The following MARCHF10 variants were observed in gnomAD, a reference collection of about 807,000 sequenced individuals.
MARCHF10 encodes probable E3 ubiquitin-protein ligase MARCHF10.
In MARCHF10, 64 loss-of-function variants were observed where a neutral mutation model predicts 76.2. That is an observed-to-expected ratio of 0.84 (90% CI 0.69 to 1.03). The LOEUF (loss-of-function observed/expected upper bound fraction) is 1.03, where lower values mean the gene tolerates loss of function less well. Among genes scored for constraint, MARCHF10 ranks in the 50% least tolerant of loss-of-function variants. MARCHF10 has a pLI of 0.00. For synonymous variants in MARCHF10, 340 were observed against 357.5 expected, an observed-to-expected ratio of 0.95 and a Z score of 0.55; for missense variants, 875 against 958.0, an observed-to-expected ratio of 0.91 and a Z score of 1.14.
chr17:62,801,711 G>C lies in MARCHF10; in HGVS notation c.25C>G (p.Gln9Glu). 1.2e-6 allele frequency: 2 copies of C among 1,614,106 alleles called. No homozygotes were observed. Among genetic ancestry groups the C allele is most frequent in the Non-Finnish European group, 1.7e-6 (2 of 1,180,008 alleles). The change falls in exon 2 of 11, where the codon CAG becomes GAG. Residue 9 changes from glutamine to glutamate, a missense_variant. Transcript: ENST00000311269. ...TACTGAACATCGCTGAAGAACTTCT[G>C]CCTGTCCCTTGCGTCATGCAACATG... Reference protein sequence around the residue: MLHDARDRQKFFSDVQYLR... With the variant: MLHDARDREKFFSDVQYLR...
intron 3 of MARCHF10, among the ~76,000 whole-genome samples, chr17:62,781,894 A>G (rs1417188721): frequency 6.6e-6 from 1 of 152,214 alleles, no homozygotes; most frequent in Non-Finnish European, 1.5e-5. Flanking sequence ...AAAAATTTCC[A>G]TGGATTAAGC....
At chr17:62,746,426 G>T (rs1460136353) in intron 4 of MARCHF10, among the ~76,000 whole-genome samples, 1 of 150,978 alleles carries the variant, frequency 6.6e-6, no homozygotes, top group Non-Finnish European at 1.5e-5. Flanking sequence ...GATCAAAAAG[G>T]GGGTGAGAGG....
chr17:62,762,660 C>A (rs2092236756), intron 3 of MARCHF10, among the ~76,000 whole-genome samples: 1 of 152,172 alleles, frequency 6.6e-6, no homozygotes, highest in Non-Finnish European at 1.5e-5. Flanking sequence ...AATTCTCCGG[C>A]CTCAGCCTCC....
In MARCHF10 at chr17:62,744,367, G is replaced by T. The variant is rs2091626154; in HGVS notation, c.535+9C>A. 6.2e-7 allele frequency: 1 copy of T among 1,611,590 alleles called. No homozygotes were observed. The highest frequency in any genetic ancestry group is 8.5e-7 in the Non-Finnish European group (1 of 1,179,366). On this transcript the variant is annotated intron_variant, in intron 5 of 10. Coordinates refer to ENST00000311269, the MANE Select transcript of MARCHF10 (RefSeq NM_152598.4). ...CAAGGACAAAGGTTCGGGAGCCCCGGGTCCTTACCTGCTCCCCTGGGAACC... is the reference window on the plus strand; with the variant it reads ...CAAGGACAAAGGTTCGGGAGCCCCGTGTCCTTACCTGCTCCCCTGGGAACC...
At chr17:62,776,191 G>A (rs115765478) in intron 3 of MARCHF10, among the ~76,000 whole-genome samples, 2,460 of 152,150 alleles carry the variant, frequency 0.016, 62 homozygotes, top group African/African-American at 0.054. Context: ...AACACATAGC[G>A]CTACTTACAA....
chr17:62,771,996 G>A (rs1426140853), intron 3 of MARCHF10, among the ~76,000 whole-genome samples: 1 of 152,194 alleles, frequency 6.6e-6, no homozygotes, highest in Non-Finnish European at 1.5e-5. Flanking sequence ...CAGACAAGAT[G>A]ATCCAGATGG....
chr17:62,793,006 C>T (rs1598053638), intron 2 of MARCHF10, among the ~76,000 whole-genome samples: 1 of 145,044 alleles, frequency 6.9e-6, no homozygotes, highest in African/African-American at 2.5e-5. Context: ...ACCTCCATCA[C>T]CACCACCACA....
chr17:62,789,426 T>C (rs1383109147), intron 2 of MARCHF10, among the ~76,000 whole-genome samples: 2 of 152,222 alleles, frequency 1.3e-5, no homozygotes, highest in African/African-American at 4.8e-5. Flanking sequence ...TGGCCTTGCC[T>C]CTCTTTAGTT....
chr17:62,735,782 CAG>C, intron 6 of MARCHF10, 147 bp downstream of exon 6: 1 of 661,938 alleles, frequency 1.5e-6, no homozygotes, highest in Non-Finnish European at 2.5e-6. Flanking sequence ...AGCAACAAAA[CAG>C]AGACAATTTT....
At chr17:62,741,815 C>T (rs1352400055) in intron 5 of MARCHF10, among the ~76,000 whole-genome samples, 1 of 152,012 alleles carries the variant, frequency 6.6e-6, no homozygotes, top group Admixed American at 6.6e-5. Flanking sequence ...CTGCCTCAGC[C>T]TCCCGAGTAG....
At chr17:62,705,684 C>G in intron 9 of MARCHF10, 103 bp from the exon 10 acceptor site, 1 of 1,418,678 alleles carries the variant, frequency 7.0e-7, no homozygotes, top group Non-Finnish European at 9.7e-7. Context: ...ATCCCTTACA[C>G]CACTTTAAAG....
intron 3 of MARCHF10, among the ~76,000 whole-genome samples, chr17:62,762,809 G>A (rs2092241540): frequency 6.6e-6 from 1 of 152,218 alleles, no homozygotes; most frequent in African/African-American, 2.4e-5. Flanking sequence ...GCCTCCTAAA[G>A]TGCTGGGATT....
intron 4 of MARCHF10, among the ~76,000 whole-genome samples, chr17:62,758,043 A>C (rs2092096184): frequency 6.6e-6 from 1 of 152,196 alleles, no homozygotes; most frequent in Non-Finnish European, 1.5e-5. Context: ...CACTATACAA[A>C]CAACCACCTG....
intron 3 of MARCHF10, among the ~76,000 whole-genome samples, chr17:62,765,840 G>A (rs934994617): frequency 2.1e-4 from 32 of 152,094 alleles, no homozygotes; most frequent in Admixed American, 2.6e-4. Context: ...GCTGTAGCAG[G>A]AGCAGGGTTC....
At chr17:62,733,911 C>T (rs753722467) in intron 6 of MARCHF10, among the ~76,000 whole-genome samples, 3 of 152,130 alleles carry the variant, frequency 2.0e-5, no homozygotes, top group Non-Finnish European at 2.9e-5. Context: ...CTGGCTGGGT[C>T]GGTGGCTCAT....
chr17:62,782,342 G>GCTC (rs1555713515), intron 3 of MARCHF10, among the ~76,000 whole-genome samples: 4 of 111,656 alleles, frequency 3.6e-5, no homozygotes, highest in African/African-American at 1.7e-4. Context: ...GCAAACAACT[G>GCTC]TTCTTTTTTT....
At position 62,736,098 on chromosome 17, in the gene MARCHF10, A is replaced by G. The variant is rs2091249291; in HGVS notation, c.1770T>C (p.His590=). 6.2e-7 allele frequency: 1 copy of G among 1,614,204 alleles called. No individual in the cohort carries two copies. Among genetic ancestry groups the G allele is most frequent in the Non-Finnish European group, 8.5e-7 (1 of 1,180,030 alleles). Residue 590 remains histidine (H), a synonymous_variant, in exon 6 of 11, where the codon CAT becomes CAC. Transcript: ENST00000311269. ...PSRMNSEGHL[H]VSGSLQENTP... is the part of the protein sequence containing the mutation. ...TATTTTCTTGCAGAGACCCAGACAC[A>G]TGCAAATGGCCTTCTGAGTTCATTC...
intron 9 of MARCHF10, among the ~76,000 whole-genome samples, chr17:62,710,905 G>A (rs1034588219): frequency 6.6e-5 from 10 of 152,108 alleles, no homozygotes; most frequent in African/African-American, 2.2e-4. Context: ...GTGCCCACAC[G>A]TAATACACAA....
In MARCHF10 at chr17:62,740,101, C is replaced by T. The variant is rs1250607087; in HGVS notation, c.536-2769G>A. ...GTGTGTGCGTGTGTGTGTGTGTTTCCCCTAAAGGTGGCAGACTGTGCCATT... is the reference window on the plus strand; with the variant it reads ...GTGTGTGCGTGTGTGTGTGTGTTTCTCCTAAAGGTGGCAGACTGTGCCATT... On this transcript the variant is annotated intron_variant, in intron 5 of 10. Transcript: ENST00000311269. Among the ~76,000 whole-genome samples the T allele has an allele frequency of 2.0e-5, 3 of 151,098 alleles. No individual in the cohort carries two copies. The East Asian group carries it at 5.8e-4, about 29-fold the overall frequency.
Sources: allele counts gnomAD v4.1 joint callset (sites outside exome capture counted in the v4.1 genomes callset), GRCh38; gene constraint gnomAD v4.1.1; transcripts MANE v1.5; gene names NCBI Gene and HGNC (gene_info 2026-07-23, HGNC 2026-07-21).